GPR39: variants seen among roughly 807,000 people sequenced by gnomAD.
The protein encoded by GPR39 is zinc sensing receptor.
Under a neutral mutation model 18.4 loss-of-function variants are expected in GPR39, and 23 were observed. The observed-to-expected ratio is 1.25, with a 90% confidence interval of 0.90 to 1.77. GPR39 has a LOEUF of 1.77. Ranked by LOEUF, GPR39 falls within the 40% of genes most tolerant of loss-of-function variation. The pLI, the probability that GPR39 is intolerant of heterozygous loss-of-function variation, is 0.00. For synonymous variants in GPR39, 280 were observed against 257.9 expected (o/e 1.09, Z -0.82); for missense variants, 647 against 602.4 (o/e 1.07, Z -0.78).
chr2:132,557,324 C>T, intron 1 of GPR39, among the ~76,000 whole-genome samples: 1 of 152,082 alleles, frequency 6.6e-6, no homozygotes, highest in East Asian at 1.9e-4. Flanking sequence ...TCTCAAAAAA[C>T]CCCCAAATCC....
intron 1 of GPR39, among the ~76,000 whole-genome samples, chr2:132,582,813 G>T (rs539598450): frequency 8.6e-5 from 13 of 151,952 alleles, no homozygotes; most frequent in South Asian, 4.2e-4. Flanking sequence ...TTTTCAATCT[G>T]CAGGTTGCAA....
intron 1 of GPR39, among the ~76,000 whole-genome samples, chr2:132,575,227 A>G (rs1350715049): frequency 3.1e-4 from 47 of 152,360 alleles, no homozygotes; most frequent in Admixed American, 3.1e-3. Context: ...CTTTACAGTC[A>G]GATCTATCTT....
intron 1 of GPR39, among the ~76,000 whole-genome samples, chr2:132,484,079 A>G (rs1160215298): frequency 1.3e-5 from 2 of 152,208 alleles, no homozygotes; most frequent in Non-Finnish European, 2.9e-5. Context: ...TTAATGACCC[A>G]TCTTCAGTTC....
At chr2:132,626,350 G>A (rs1260713478) in intron 1 of GPR39, among the ~76,000 whole-genome samples, 5 of 152,158 alleles carry the variant, frequency 3.3e-5, no homozygotes, top group African/African-American at 1.2e-4. Context: ...CTGGAAGCTG[G>A]AGGACTTGGC....
At chr2:132,643,709 G>T (rs1681916528) in intron 1 of GPR39, among the ~76,000 whole-genome samples, 1 of 152,144 alleles carries the variant, frequency 6.6e-6, no homozygotes, top group African/African-American at 2.4e-5. Flanking sequence ...TTGTAGAGAT[G>T]GGGTCTTGCT....
intron 1 of GPR39, among the ~76,000 whole-genome samples, chr2:132,568,886 A>G (rs1680395323): frequency 1.3e-5 from 2 of 152,080 alleles, no homozygotes; most frequent in East Asian, 1.9e-4. Context: ...GAGAGCTGCC[A>G]AGAGCCAGTG....
At chr2:132,564,936 C>A (rs1273384663) in intron 1 of GPR39, among the ~76,000 whole-genome samples, 1 of 149,940 alleles carries the variant, frequency 6.7e-6, no homozygotes, top group Non-Finnish European at 1.5e-5. Flanking sequence ...CCTGCCACAG[C>A]CTCTTGAGTA....
intron 1 of GPR39, among the ~76,000 whole-genome samples, chr2:132,587,159 T>C (rs1680743999): frequency 6.6e-6 from 1 of 152,216 alleles, no homozygotes; most frequent in Non-Finnish European, 1.5e-5. Context: ...TTCTGATCTG[T>C]GGTGATTGCT....
chr2:132,536,720 C>T (rs1679763383), intron 1 of GPR39, among the ~76,000 whole-genome samples: 1 of 152,178 alleles, frequency 6.6e-6, no homozygotes. Context: ...TTGTAGGTCT[C>T]TAAGAACTTG....
At chr2:132,548,024 T>C (rs948349502) in intron 1 of GPR39, among the ~76,000 whole-genome samples, 2 of 152,194 alleles carry the variant, frequency 1.3e-5, no homozygotes, top group Admixed American at 1.3e-4. Context: ...TTGCATAATG[T>C]TTCTCCCAGC....
chr2:132,501,316 T>G (rs1010661298), intron 1 of GPR39, among the ~76,000 whole-genome samples: 1 of 152,154 alleles, frequency 6.6e-6, no homozygotes, highest in Admixed American at 6.5e-5. Flanking sequence ...TAACTTTCCA[T>G]CTTGATTTCA....
chr2:132,487,555 C>T (rs553133152), intron 1 of GPR39, among the ~76,000 whole-genome samples: 11 of 152,112 alleles, frequency 7.2e-5, no homozygotes, highest in Non-Finnish European at 1.6e-4. Context: ...TAGGAAATAA[C>T]AAAGGAATAT....
chr2:132,602,870 AG>A (rs1681068521), intron 1 of GPR39, among the ~76,000 whole-genome samples: 1 of 58,542 alleles, frequency 1.7e-5, no homozygotes, highest in Admixed American at 2.4e-4. Context: ...GCTTAAAAAG[AG>A]AAAAAAAAAA....
At chr2:132,558,443 C>A (rs1680192918) in intron 1 of GPR39, among the ~76,000 whole-genome samples, 1 of 152,118 alleles carries the variant, frequency 6.6e-6, no homozygotes, top group Non-Finnish European at 1.5e-5. Context: ...TTTGAGGGTG[C>A]ATACTTTTTT....
At chr2:132,642,558 A>G (rs1203383006) in intron 1 of GPR39, among the ~76,000 whole-genome samples, 1 of 152,236 alleles carries the variant, frequency 6.6e-6, no homozygotes, top group Non-Finnish European at 1.5e-5. Context: ...AGTAAGGGTC[A>G]TGTAAACAAC....
chr2:132,534,994 A>AT (rs1343108715), intron 1 of GPR39, among the ~76,000 whole-genome samples: 7 of 126,496 alleles, frequency 5.5e-5, no homozygotes, highest in Non-Finnish European at 8.2e-5. Flanking sequence ...TATAATAATA[A>AT]TTAAAAAAAA....
rs144823994 is a variant in GPR39 at position 132,631,240 on chromosome 2, C to T, written c.857-13861C>T. Among the ~76,000 whole-genome samples, 16 of 152,274 alleles carry T rather than the reference C, an allele frequency of 1.1e-4. No individual in the cohort carries two copies. The East Asian group carries it at 2.3e-3, about 22-fold the overall frequency. On this transcript the variant is annotated intron_variant, in intron 1 of 1. Coordinates refer to ENST00000329321, the MANE Select transcript of GPR39 (RefSeq NM_001508.3). ...TTGTTGCGCTGTACTGTGCTTACTA[C>T]GTACAACAATGTGCATCTCCGACAT... is the stretch of plus-strand genomic sequence containing the variant.
chr2:132,509,021 C>G (rs1057004116), intron 1 of GPR39, among the ~76,000 whole-genome samples: 7 of 152,176 alleles, frequency 4.6e-5, no homozygotes, highest in Non-Finnish European at 1.5e-5. Flanking sequence ...CCAGAGAGGC[C>G]AGGCTGTGCT....
At chr2:132,505,948 C>T (rs566863402) in intron 1 of GPR39, among the ~76,000 whole-genome samples, 1 of 152,218 alleles carries the variant, frequency 6.6e-6, no homozygotes, top group East Asian at 1.9e-4. Flanking sequence ...TATGGTAGTT[C>T]TAATTTTAGT....
Sources: allele counts gnomAD v4.1 joint callset (sites outside exome capture counted in the v4.1 genomes callset), GRCh38; gene constraint gnomAD v4.1.1; transcripts MANE v1.5; gene names NCBI Gene and HGNC (gene_info 2026-07-23, HGNC 2026-07-21).